The following POU5F1B variants were observed in gnomAD, a reference collection of about 807,000 sequenced individuals.
POU5F1B encodes the protein POU class 5 homeobox 1B, also known as POU domain, class 5, transcription factor 1B.
In POU5F1B, 24 loss-of-function variants were observed where a neutral mutation model predicts 28.1. The ratio of observed to expected loss-of-function variants is 0.85; its 90% CI spans 0.62 to 1.20. The LOEUF (loss-of-function observed/expected upper bound fraction) is 1.20, where lower values mean the gene tolerates loss of function less well. POU5F1B is among the 50% of genes most tolerant of loss of function. The pLI is 0.00. For synonymous variants in POU5F1B, 220 were observed against 193.2 expected, an observed-to-expected ratio of 1.14 and a Z score of -1.15; for missense variants, 451 against 451.5, an observed-to-expected ratio of 1.00 and a Z score of 0.01.
exon 3 of POU5F1B, chr8:127,415,841 C>T (rs1412856515): frequency 6.7e-7 from 1 of 1,497,228 alleles, no homozygotes; most frequent in African/African-American, 1.4e-5. Flanking sequence ...TCACCAGGCC[C>T]CCGGCTTGGG....
chr8:127,417,036 G>A (rs549402782), exon 3 of POU5F1B: 629 of 1,543,248 alleles, frequency 4.1e-4, no homozygotes, highest in Non-Finnish European at 3.9e-4. Flanking sequence ...TTGGGATTAA[G>A]TTCTTCATTC....
chr8:127,415,936 G>A, exon 3 of POU5F1B: 1 of 1,559,296 alleles, frequency 6.4e-7, no homozygotes, highest in Non-Finnish European at 8.7e-7. Context: ...TGGGCCATGG[G>A]GGGCGGAGCC....
At chr8:127,416,348 G>A (rs1412846423) in exon 3 of POU5F1B, 1 of 1,612,054 alleles carries the variant, frequency 6.2e-7, no homozygotes, top group East Asian at 2.2e-5. Context: ...ATCACCCTGG[G>A]ATATACACAG....
chr8:127,415,838 G>GC (rs1181532664), exon 3 of POU5F1B: 5 of 1,491,752 alleles, frequency 3.4e-6, no homozygotes. Context: ...ATTTCACCAG[G>GC]CCCCCGGCTT....
chr8:127,414,773 C>G (rs1276254911), intron 1 of POU5F1B: 2 of 152,208 alleles, frequency 1.3e-5, no homozygotes, highest in African/African-American at 2.4e-5. Context: ...AATTACCCTC[C>G]TACAGAATGT....
rs770937336 is a variant in POU5F1B, at chr8:127,416,545, A to G, written c.679A>G (p.Met227Val). The G allele has an allele frequency of 2.7e-4, 439 of 1,607,784 alleles. No individual in the cohort carries two copies. The highest frequency in any genetic ancestry group is 7.6e-4 in the Admixed American group (45 of 59,146). Residue 227 changes from methionine to valine, a missense_variant, in exon 3 of 3, where the codon ATG (methionine) becomes GTG (valine). By Grantham distance (21) the Met-to-Val change is conservative. Around this residue, in one of 3 missense-constraint regions of POU5F1B, gnomAD observed 213 missense variants for 220.4 expected, o/e 0.97. Coordinates refer to ENST00000465342, the Ensembl canonical transcript of POU5F1B. The stretch of plus-strand genomic sequence containing the variant: ...GGAGATATGCAAAGCAGAAACCCTC[A>G]TGCAGGCCCGAAAGAGAAAGCGAAC...
At chr8:127,415,946 C>G in exon 3 of POU5F1B, 2 of 1,565,882 alleles carry the variant, frequency 1.3e-6, no homozygotes, top group Non-Finnish European at 1.7e-6. Flanking sequence ...GGGGCGGAGC[C>G]GGGCTGGGTT....
exon 3 of POU5F1B, chr8:127,416,028 C>T (rs761053358): frequency 1.2e-6 from 2 of 1,603,862 alleles, no homozygotes; most frequent in Admixed American, 1.7e-5. Flanking sequence ...TTGGGCCAGG[C>T]TCTGAGGTGT....
chr8:127,413,857 T>TACACAC (rs3999776), intron 1 of POU5F1B, among the ~76,000 whole-genome samples: 32,294 of 150,558 alleles, frequency 0.21, 3,985 homozygotes, highest in Admixed American at 0.29. Context: ...AAAAAGGTGG[T>TACACAC]ACACACACAC....
At chr8:127,413,563 G>A (rs946133027) in intron 1 of POU5F1B, among the ~76,000 whole-genome samples, 2 of 152,088 alleles carry the variant, frequency 1.3e-5, no homozygotes, top group Non-Finnish European at 2.9e-5. Flanking sequence ...ATTTTTAGTT[G>A]TACTACATAG....
chr8:127,416,689 G>A lies in POU5F1B; in HGVS notation c.823G>A (p.Val275Met), dbSNP rs765504314. Residue 275 changes from valine (V) to methionine (M), a missense_variant, in exon 3 of 3, where the codon GTG (valine) becomes ATG (methionine). This residue lies in a region of POU5F1B where 213 missense variants were observed against 220.4 expected (regional missense o/e 0.97). Coordinates refer to ENST00000465342, the Ensembl canonical transcript of POU5F1B. ...TGGGCTCGAGAAGGATGTGGTCCGA[G>A]TGTGGTTCTGTAACCGGCGCCAGAA... The A allele has an allele frequency of 2.5e-6, 4 of 1,608,476 alleles. No homozygotes were observed. The African/African-American group carries it at 4.0e-5, about 16-fold the overall frequency.
intron 2 of POU5F1B, chr8:127,415,320 T>C (rs2130625163): frequency 6.5e-6 from 1 of 152,990 alleles, no homozygotes; most frequent in East Asian, 1.9e-4. Context: ...CATAGAGTGC[T>C]ATTTCCCGTC....
At chr8:127,417,211 G>GAAAGAAAGA (rs1554608622) in exon 3 of POU5F1B, 37,806 of 291,202 alleles carry the variant, frequency 0.13, 2,375 homozygotes, top group East Asian at 0.24. Flanking sequence ...AAAAAAAAAA[G>GAAAGAAAGA]AAAGAAAAGA....
At position 127,413,857 on chromosome 8, in the gene POU5F1B, TAC is replaced by T. The variant is rs3999776; in HGVS notation, c.-559-1009_-559-1008del. Among the ~76,000 whole-genome samples, 1,265 of 150,568 alleles carry T rather than the reference TAC, an allele frequency of 8.4e-3. 12 individuals are homozygous for T. Among genetic ancestry groups the T allele is most frequent in the African/African-American group, 0.028 (1,146 of 41,076 alleles). On this transcript the variant is annotated intron_variant, in intron 1 of 2. Coordinates refer to ENST00000465342, the Ensembl canonical transcript of POU5F1B. ...TTTTGTGCTTCTTAAAAAAAGGTGG[TAC>T]ACACACACACACACACACACAACAC... is the stretch of plus-strand genomic sequence containing the variant.
exon 3 of POU5F1B, chr8:127,416,469 G>A (rs1448460817): frequency 9.9e-6 from 16 of 1,609,274 alleles, no homozygotes; most frequent in Middle Eastern, 3.3e-4. Context: ...GTAAGCTGCG[G>A]CCCTTGCTGC....
exon 3 of POU5F1B, chr8:127,416,545 A>C (rs770937336): frequency 6.2e-7 from 1 of 1,608,044 alleles, no homozygotes; most frequent in Non-Finnish European, 8.5e-7. Context: ...AGAAACCCTC[A>C]TGCAGGCCCG....
chr8:127,416,541 C>A (rs749116626), exon 3 of POU5F1B: 2 of 1,608,554 alleles, frequency 1.2e-6, no homozygotes, highest in Non-Finnish European at 8.5e-7. Flanking sequence ...AAGCAGAAAC[C>A]CTCATGCAGG....
In POU5F1B at chr8:127,416,489, TGGAG is replaced by T; in HGVS notation, c.625_628del (p.Glu209LysfsTer32). 6.2e-7 allele frequency: 1 copy of T among 1,609,132 alleles called. No individual in the cohort carries two copies. Among genetic ancestry groups the T allele is most frequent in the Non-Finnish European group, 8.5e-7 (1 of 1,177,526 alleles). On this transcript the variant is annotated frameshift_variant, in exon 3 of 3. Coordinates refer to ENST00000465342, the Ensembl canonical transcript of POU5F1B. LOFTEE classifies it high-confidence loss of function. Reference sequence around the variant, plus strand: ...CTGCGGCCCTTGCTGCAGAAGTGGGTGGAGGAAGCTGACAACAATGAAAATCTTC... The same window carrying T: ...CTGCGGCCCTTGCTGCAGAAGTGGGTGAAGCTGACAACAATGAAAATCTTC...
At chr8:127,416,117 T>C (rs749898240) in exon 3 of POU5F1B, 2 of 1,613,454 alleles carry the variant, frequency 1.2e-6, no homozygotes, top group South Asian at 2.2e-5. Flanking sequence ...GGAGTGGGGC[T>C]AGTGCCCCAA....
Sources: allele counts gnomAD v4.1 joint callset (sites outside exome capture counted in the v4.1 genomes callset), GRCh38; gene constraint gnomAD v4.1.1; regional missense constraint gnomAD v4.1.1; transcripts MANE v1.5; gene names NCBI Gene and HGNC (gene_info 2026-07-23, HGNC 2026-07-21).